The following COTL1 variants were observed in gnomAD, a reference collection of about 807,000 sequenced individuals.
The protein encoded by COTL1 is coactosin like F-actin binding protein 1, also known as coactosin-like protein.
COTL1 carries 15 observed loss-of-function variants against 16.5 expected under a neutral mutation model. That is an observed-to-expected ratio of 0.91 (90% confidence interval 0.61 to 1.40). The LOEUF is 1.40. Among genes scored for constraint, COTL1 ranks in the 40% most tolerant of loss-of-function variants. The pLI is 0.00. For synonymous variants in COTL1, 112 were observed against 85.3 expected, an observed-to-expected ratio of 1.31 and a Z score of -1.73; for missense variants, 220 against 201.5, an observed-to-expected ratio of 1.09 and a Z score of -0.56.
rs575475379 is a variant in COTL1 at position 84,608,631 on chromosome 16, C to T, written c.160+8870G>A. On this transcript the variant is annotated intron_variant, in intron 2 of 3. Coordinates refer to ENST00000262428, the MANE Select transcript of COTL1 (RefSeq NM_021149.5). Reference sequence around the variant, plus strand: ...ACTTAAAAACAAAAACCCAGCCGGGCGGGGTGGCTCACGCCTGTAATTCCA... The same window carrying T: ...ACTTAAAAACAAAAACCCAGCCGGGTGGGGTGGCTCACGCCTGTAATTCCA... Among the ~76,000 whole-genome samples, 12 of 152,310 alleles carry T rather than the reference C, an allele frequency of 7.9e-5. No homozygotes were observed. The East Asian group carries it at 1.9e-3, about 24-fold the overall frequency.
In COTL1 at chr16:84,591,003, T is replaced by C. The variant is rs563062372; in HGVS notation, c.161-741A>G. ...TGTGTTATGCTTGTTCTATCTTATA[T>C]AGTCATTTTTATTAAAATGGCTTTG... On this transcript the variant is annotated intron_variant, in intron 2 of 3. Transcript: ENST00000262428. Among the ~76,000 whole-genome samples, 13 of 152,340 alleles carry C rather than the reference T, an allele frequency of 8.5e-5. No homozygotes were observed. The East Asian group carries it at 2.5e-3, about 29-fold the overall frequency.
At chr16:84,601,086 G>A (rs145630011) in intron 2 of COTL1, among the ~76,000 whole-genome samples, 6 of 152,244 alleles carry the variant, frequency 3.9e-5, no homozygotes, top group East Asian at 3.9e-4. Context: ...ATAAGGAGAC[G>A]CTGCGCCACT....
At chr16:84,576,854 A>G (rs373587328) in intron 3 of COTL1, 2 of 152,376 alleles carry the variant, frequency 1.3e-5, no homozygotes, top group East Asian at 3.9e-4. Context: ...AACCCTCACA[A>G]CACGGTGTGG....
intron 2 of COTL1, among the ~76,000 whole-genome samples, chr16:84,602,943 G>T (rs1468329150): frequency 6.6e-6 from 1 of 152,200 alleles, no homozygotes; most frequent in African/African-American, 2.4e-5. Context: ...GCGTAACAAG[G>T]AAGCTGCTTC....
intron 3 of COTL1, among the ~76,000 whole-genome samples, chr16:84,573,957 G>T (rs923152137): frequency 6.6e-6 from 1 of 152,132 alleles, no homozygotes; most frequent in Non-Finnish European, 1.5e-5. Flanking sequence ...GGAGTTCCAA[G>T]ACTAGCCTGG....
At chr16:84,571,223 C>A (rs891260) in intron 3 of COTL1, among the ~76,000 whole-genome samples, 1 of 152,044 alleles carries the variant, frequency 6.6e-6, no homozygotes. Flanking sequence ...GAGCCCCCGC[C>A]GCGTGACTGC....
chr16:84,594,602 T>C (rs1236834290), intron 2 of COTL1: 1 of 152,222 alleles, frequency 6.6e-6, no homozygotes, highest in Non-Finnish European at 1.5e-5. Context: ...CGCCTCCGAC[T>C]GCATTTCACA....
chr16:84,573,663 C>T (rs1383889378), intron 3 of COTL1, among the ~76,000 whole-genome samples: 1 of 151,664 alleles, frequency 6.6e-6, no homozygotes, highest in Non-Finnish European at 1.5e-5. Flanking sequence ...TCGCTTGAAC[C>T]GGGGAGGCGG....
chr16:84,611,304 C>G (rs1243094513), intron 2 of COTL1, among the ~76,000 whole-genome samples: 1 of 152,154 alleles, frequency 6.6e-6, no homozygotes, highest in African/African-American at 2.4e-5. Context: ...AATTTGAGGT[C>G]CATGGATAGA....
chr16:84,590,277 GAA>G lies in COTL1; in HGVS notation c.161-17_161-16del. 1 of 1,612,852 alleles carries G rather than the reference GAA, an allele frequency of 6.2e-7. No homozygotes were observed. Among genetic ancestry groups the G allele is most frequent in the South Asian group, 1.1e-5 (1 of 91,040 alleles). ...CCGGACGTCATCTGTGGCCAAAAGC[GAA>G]AAGAGAACATGGTGCTGCGTTAAAA... is the stretch of plus-strand genomic sequence containing the variant. On this transcript the variant is annotated splice_polypyrimidine_tract_variant and intron_variant, in intron 2 of 3. Coordinates refer to ENST00000262428, the MANE Select transcript of COTL1 (RefSeq NM_021149.5). This position sits in a 1 kb window ranked among gnomAD's most constrained non-coding sequence, Gnocchi z 5.5.
chr16:84,597,726 C>G (rs749076592), intron 2 of COTL1, among the ~76,000 whole-genome samples: 1 of 152,162 alleles, frequency 6.6e-6, no homozygotes, highest in Non-Finnish European at 1.5e-5. Context: ...AGTTCAGCCC[C>G]CACGCCCTCC....
intron 3 of COTL1, among the ~76,000 whole-genome samples, chr16:84,587,224 C>T (rs527911974): frequency 3.9e-4 from 59 of 152,326 alleles, no homozygotes; most frequent in Admixed American, 1.8e-3. Flanking sequence ...AGGGTGCAGA[C>T]AGCAGTGTCA....
intron 2 of COTL1, among the ~76,000 whole-genome samples, chr16:84,604,315 G>A (rs1202348189): frequency 1.7e-4 from 6 of 34,954 alleles, no homozygotes; most frequent in Admixed American, 7.1e-4. Flanking sequence ...CCCCACCCAC[G>A]CTCCCCTCCC....
intron 3 of COTL1, among the ~76,000 whole-genome samples, chr16:84,585,890 A>G (rs1349801323): frequency 1.3e-5 from 2 of 152,260 alleles, no homozygotes; most frequent in South Asian, 2.1e-4. Flanking sequence ...AGTTCAGGCC[A>G]GTATTCCAGC....
chr16:84,609,136 T>A (rs1002582826), intron 2 of COTL1, among the ~76,000 whole-genome samples: 7 of 152,284 alleles, frequency 4.6e-5, no homozygotes, highest in African/African-American at 1.7e-4. Context: ...GGTGTGTATG[T>A]TCAGCTAGGG....
At chr16:84,581,163 A>AG (rs879433025) in intron 3 of COTL1, among the ~76,000 whole-genome samples, 1 of 147,978 alleles carries the variant, frequency 6.8e-6, no homozygotes, top group Non-Finnish European at 1.5e-5. Flanking sequence ...ACAAACAAAT[A>AG]AATATATGTA....
rs979021992 is a variant in COTL1, at chr16:84,590,579, C to A, written c.161-317G>T. On this transcript the variant is annotated intron_variant, in intron 2 of 3. Coordinates refer to ENST00000262428, the MANE Select transcript of COTL1 (RefSeq NM_021149.5). This position sits in a 1 kb window ranked among gnomAD's most constrained non-coding sequence, Gnocchi z 5.5. ...GGTCATGCTGGGATTTAAACCCAGG[C>A]CTTTCTGGCTGCAACGCCTACAGCC... 1 of 213,332 alleles carries A rather than the reference C, an allele frequency of 4.7e-6. No homozygotes were observed. Among genetic ancestry groups the A allele is most frequent in the East Asian group, 1.1e-4 (1 of 9,188 alleles). The allele number at this position is 213,332 out of a possible 1,614,324, so 13.2% of individuals were successfully genotyped here.
intron 2 of COTL1, among the ~76,000 whole-genome samples, chr16:84,615,180 C>T (rs558185425): frequency 6.6e-6 from 1 of 152,246 alleles, no homozygotes; most frequent in African/African-American, 2.4e-5. Flanking sequence ...AACCATAATT[C>T]TCCTATGCAT....
At chr16:84,604,065 G>C (rs1294485901) in intron 2 of COTL1, among the ~76,000 whole-genome samples, 1 of 116,924 alleles carries the variant, frequency 8.6e-6, no homozygotes, top group Non-Finnish European at 1.8e-5. Flanking sequence ...GCCCCACCAC[G>C]GCCCAACCCC....
Sources: allele counts gnomAD v4.1 joint callset (sites outside exome capture counted in the v4.1 genomes callset), GRCh38; gene constraint gnomAD v4.1.1; non-coding constraint Gnocchi (gnomAD v3.1); transcripts MANE v1.5; gene names NCBI Gene and HGNC (gene_info 2026-07-23, HGNC 2026-07-21).